Variants in RPH3A observed in about 807,000 individuals in gnomAD.
The protein encoded by RPH3A is rabphilin 3A.
In RPH3A, 48 loss-of-function variants were observed where a neutral mutation model predicts 102.2. The ratio of observed to expected loss-of-function variants is 0.47; its 90% CI spans 0.37 to 0.60. RPH3A has a LOEUF of 0.60. Ranked by LOEUF, RPH3A falls within the 20% of genes least tolerant of loss-of-function variation. The pLI, the probability that RPH3A is intolerant of heterozygous loss-of-function variation, is 0.00. For missense variants in RPH3A, 781 were observed against 910.1 expected (o/e 0.86, Z 1.83); for synonymous variants, 310 against 324.3 (o/e 0.96, Z 0.47).
At chr12:112,582,801 G>A (rs2135959202) in intron 1 of RPH3A, among the ~76,000 whole-genome samples, 1 of 152,274 alleles carries the variant, frequency 6.6e-6, no homozygotes, top group South Asian at 2.1e-4. Flanking sequence ...GAGCGGTCAT[G>A]TCTGGATTTA....
chr12:112,776,823 G>A (rs2040970200), intron 1 of RPH3A, among the ~76,000 whole-genome samples: 2 of 138,918 alleles, frequency 1.4e-5, no homozygotes, highest in Admixed American at 8.0e-5. Context: ...GCAGTGAGCC[G>A]AGATCATGCC....
intron 1 of RPH3A, among the ~76,000 whole-genome samples, chr12:112,715,701 C>G (rs1592959736): frequency 6.6e-6 from 1 of 152,150 alleles, no homozygotes; most frequent in South Asian, 2.1e-4. Context: ...CATTCCAGAG[C>G]AGCTGTCATG....
At position 112,751,032 on chromosome 12, in the gene RPH3A, A is replaced by G. The variant is rs530027273; in HGVS notation, c.-139-41111A>G. Reference sequence around the variant, plus strand: ...GCCAGGGAAAAGGAAAAAAACCTGAACGTTGGTCTCACCAGTGAGCTGCTG... The same window carrying G: ...GCCAGGGAAAAGGAAAAAAACCTGAGCGTTGGTCTCACCAGTGAGCTGCTG... On this transcript the variant is annotated intron_variant, in intron 1 of 21. Coordinates refer to the RPH3A transcript ENST00000543106. 5.3e-5 allele frequency among the ~76,000 whole-genome samples: 8 copies of G among 152,262 alleles called. No individual in the cohort carries two copies. In the East Asian group the frequency reaches 1.2e-3, roughly 22 times the overall value.
Position 112,712,227 on chromosome 12 carries a change from G to A in RPH3A, c.-139-79916G>A, listed in dbSNP as rs528382336. Among the ~76,000 whole-genome samples the A allele has an allele frequency of 2.1e-4, 32 of 152,156 alleles. No individual in the cohort carries two copies. The South Asian group carries it at 6.0e-3, about 29-fold the overall frequency. The stretch of plus-strand genomic sequence containing the variant: ...AAAACACACACACGCATGCACGCAC[G>A]CAGGCACGCACGTAATCCACCCAGA... On this transcript the variant is annotated intron_variant, in intron 1 of 21. Transcript: ENST00000543106.
intron 1 of RPH3A, among the ~76,000 whole-genome samples, chr12:112,592,909 T>C (rs965973262): frequency 6.6e-6 from 1 of 152,256 alleles, no homozygotes; most frequent in Non-Finnish European, 1.5e-5. Context: ...GTGTGAGTTT[T>C]CTGTGTTCTT....
intron 1 of RPH3A, among the ~76,000 whole-genome samples, chr12:112,591,909 C>G (rs1053187953): frequency 1.3e-5 from 2 of 152,162 alleles, no homozygotes; most frequent in African/African-American, 4.8e-5. Context: ...TCAGTATCCC[C>G]GGGGTTGGTT....
At chr12:112,736,853 A>C (rs1416961864) in intron 1 of RPH3A, among the ~76,000 whole-genome samples, 1 of 152,120 alleles carries the variant, frequency 6.6e-6, no homozygotes, top group African/African-American at 2.4e-5. Flanking sequence ...AATTTAGGCT[A>C]CTTAAAGAAA....
intron 1 of RPH3A, among the ~76,000 whole-genome samples, chr12:112,772,546 C>T (rs2040934077): frequency 6.6e-6 from 1 of 152,182 alleles, no homozygotes; most frequent in South Asian, 2.1e-4. Flanking sequence ...TAAGGTTGTA[C>T]TCTAAATGAC....
At chr12:112,676,143 C>T (rs183311634) in intron 1 of RPH3A, among the ~76,000 whole-genome samples, 9 of 152,192 alleles carry the variant, frequency 5.9e-5, no homozygotes, top group East Asian at 5.8e-4. Flanking sequence ...CTGATCTCTA[C>T]GTGGGCCTCC....
intron 3 of RPH3A, among the ~76,000 whole-genome samples, chr12:112,833,068 G>T (rs1007345995): frequency 2.0e-5 from 3 of 151,772 alleles, no homozygotes; most frequent in African/African-American, 7.3e-5. Context: ...TCCAAATGGG[G>T]TTTCACCATG....
intron 1 of RPH3A, among the ~76,000 whole-genome samples, chr12:112,679,397 C>A (rs749624001): frequency 6.6e-6 from 1 of 151,992 alleles, no homozygotes; most frequent in Non-Finnish European, 1.5e-5. Context: ...TCATGATCCT[C>A]CTGCCTCAGC....
chr12:112,866,430 A>T (rs1402259176), intron 6 of RPH3A, among the ~76,000 whole-genome samples: 2 of 152,184 alleles, frequency 1.3e-5, no homozygotes, highest in African/African-American at 4.8e-5. Flanking sequence ...AAGAGGAAAT[A>T]AATTAAGATA....
intron 1 of RPH3A, among the ~76,000 whole-genome samples, chr12:112,759,766 C>T (rs1020661844): frequency 6.6e-6 from 1 of 152,162 alleles, no homozygotes; most frequent in Non-Finnish European, 1.5e-5. Context: ...CTCAGCCATT[C>T]TAACTCTGGC....
intron 1 of RPH3A, among the ~76,000 whole-genome samples, chr12:112,701,691 A>G (rs1350569756): frequency 6.6e-6 from 1 of 152,226 alleles, no homozygotes; most frequent in Admixed American, 6.5e-5. Flanking sequence ...TGTCTATTCC[A>G]ATTCCAAGCA....
At chr12:112,577,645 C>T (rs150566219) in intron 1 of RPH3A, among the ~76,000 whole-genome samples, 153 of 152,194 alleles carry the variant, frequency 1.0e-3, no homozygotes, top group African/African-American at 3.6e-3. Context: ...CTTATTTTAC[C>T]CAGCCCCTAT....
chr12:112,849,123 G>A (rs1032448315), intron 5 of RPH3A, among the ~76,000 whole-genome samples: 4 of 152,182 alleles, frequency 2.6e-5, no homozygotes, highest in Non-Finnish European at 5.9e-5. Context: ...GGGTTAACGA[G>A]GTTCTTGGAT....
At chr12:112,885,963 G>A (rs1360518218) in intron 16 of RPH3A, among the ~76,000 whole-genome samples, 1 of 152,164 alleles carries the variant, frequency 6.6e-6, no homozygotes, top group Non-Finnish European at 1.5e-5. Flanking sequence ...GTCAAAAACA[G>A]TGATTATTCT....
At chr12:112,790,611 A>G (rs992563183), upstream of RPH3A, among the ~76,000 whole-genome samples, 4 of 152,196 alleles carry the variant, frequency 2.6e-5, no homozygotes, top group African/African-American at 4.8e-5. Flanking sequence ...GTTAGGAGGA[A>G]TAGGACTCTT....
intron 5 of RPH3A, among the ~76,000 whole-genome samples, chr12:112,859,740 T>C (rs2042475637): frequency 6.6e-6 from 1 of 152,186 alleles, no homozygotes; most frequent in African/African-American, 2.4e-5. Flanking sequence ...CACCAGCAGA[T>C]TCAAACAGGG....
Sources: allele counts gnomAD v4.1 joint callset (sites outside exome capture counted in the v4.1 genomes callset), GRCh38; gene constraint gnomAD v4.1.1; transcripts MANE v1.5; gene names NCBI Gene and HGNC (gene_info 2026-07-23, HGNC 2026-07-21).